The following NRG1 variants were observed in gnomAD, a reference collection of about 807,000 sequenced individuals.
NRG1 encodes the protein pro-neuregulin-1, membrane-bound isoform.
NRG1 carries 18 observed loss-of-function variants against 63.8 expected under a neutral mutation model. The ratio of observed to expected loss-of-function variants is 0.28; its 90% CI spans 0.19 to 0.42. The LOEUF is 0.42. NRG1 is among the 10% of genes least tolerant of loss of function. The probability of loss-of-function intolerance (pLI) is 1.00; values close to 1 mark genes in which losing one functional copy is unlikely to be tolerated. For missense variants in NRG1, 762 were observed against 814.7 expected (o/e 0.94, Z 0.79); for synonymous variants, 302 against 301.3 (o/e 1.00, Z -0.02).
At chr8:32,502,208 GT>G (rs1200722538) in intron 1 of NRG1, among the ~76,000 whole-genome samples, 1 of 151,884 alleles carries the variant, frequency 6.6e-6, no homozygotes, top group Admixed American at 6.6e-5. Flanking sequence ...TGGAGTAGGC[GT>G]CTTACATGGC....
intron 1 of NRG1, among the ~76,000 whole-genome samples, chr8:32,128,315 G>A (rs541438225): frequency 1.6e-4 from 24 of 151,974 alleles, no homozygotes; most frequent in Middle Eastern, 3.4e-3. Flanking sequence ...TCCCCCTGAT[G>A]GCAGTAAAAT....
chr8:32,139,532 T>C (rs1835973537), intron 1 of NRG1: 2 of 152,192 alleles, frequency 1.3e-5, no homozygotes, highest in Non-Finnish European at 2.9e-5. Context: ...CTGTTACATA[T>C]AGACAAATAA....
intron 1 of NRG1, among the ~76,000 whole-genome samples, chr8:31,847,000 A>G (rs1430983321): frequency 6.6e-6 from 1 of 152,150 alleles, no homozygotes; most frequent in Non-Finnish European, 1.5e-5. Context: ...AACTCATTAT[A>G]TTTTATTCTC....
intron 1 of NRG1, among the ~76,000 whole-genome samples, chr8:32,390,300 C>G (rs752654001): frequency 5.9e-5 from 9 of 152,074 alleles, no homozygotes; most frequent in Non-Finnish European, 1.0e-4. Context: ...AAGACTTTTC[C>G]TGTTCTAGAC....
At chr8:31,968,352 G>T (rs1002469724) in intron 1 of NRG1, among the ~76,000 whole-genome samples, 1 of 152,168 alleles carries the variant, frequency 6.6e-6, no homozygotes. Context: ...TAAAGGAAAA[G>T]CAGGGAGTGC....
At chr8:32,268,052 G>C (rs1338226290) in intron 1 of NRG1, among the ~76,000 whole-genome samples, 2 of 152,116 alleles carry the variant, frequency 1.3e-5, no homozygotes, top group Non-Finnish European at 2.9e-5. Flanking sequence ...TGCATGTCTT[G>C]CTAGAGTCTT....
chr8:32,283,382 G>T (rs887371405), intron 1 of NRG1, among the ~76,000 whole-genome samples: 7 of 152,102 alleles, frequency 4.6e-5, no homozygotes, highest in Non-Finnish European at 1.0e-4. Flanking sequence ...AAGAGGATTA[G>T]TCTATCACAC....
intron 1 of NRG1, chr8:31,639,559 C>T: frequency 1.4e-6 from 2 of 1,436,438 alleles, no homozygotes; most frequent in Non-Finnish European, 1.9e-6. Context: ...GCAGCCCCAG[C>T]AGCCGCCGCA....
At chr8:32,454,526 G>A (rs953345568) in intron 1 of NRG1, among the ~76,000 whole-genome samples, 23 of 147,878 alleles carry the variant, frequency 1.6e-4, no homozygotes, top group African/African-American at 4.5e-4. Context: ...AAAAAAAACC[G>A]ACATTGGCCT....
chr8:32,526,042 T>C (rs1830807882), intron 1 of NRG1, among the ~76,000 whole-genome samples: 1 of 152,206 alleles, frequency 6.6e-6, no homozygotes, highest in African/African-American at 2.4e-5. Flanking sequence ...TATAACAAAT[T>C]ACCATAAACT....
intron 1 of NRG1, among the ~76,000 whole-genome samples, chr8:31,648,426 C>T (rs910892177): frequency 2.0e-5 from 3 of 152,116 alleles, no homozygotes; most frequent in Non-Finnish European, 2.9e-5. Flanking sequence ...GCCACCGCGC[C>T]CGGCCCTACC....
chr8:31,991,394 T>TCTTCTTCTGCTG lies in NRG1; in HGVS notation c.37+351971_37+351972insGCTGCTTCTTCT, dbSNP rs371467960. Among the ~76,000 whole-genome samples, 1,157 of 151,970 alleles carry TCTTCTTCTGCTG rather than the reference T, an allele frequency of 7.6e-3. 17 individuals carry two copies. The highest frequency in any genetic ancestry group is 0.027 in the African/African-American group (1,113 of 41,446). ...CTCCTCCTCCTCTTCTTCTGCTGCT[T>TCTTCTTCTGCTG]CTTCTTCTTCTCCTTCTTCATCATC... is the stretch of plus-strand genomic sequence containing the variant. On this transcript the variant is annotated intron_variant, in intron 1 of 10. Transcript: ENST00000519301.
rs368867888 is a variant in NRG1 at position 31,656,124 on chromosome 8, T to C, written c.37+16693T>C. ...AGCTCCATGAAGTAGATAAGATTGC[T>C]TAGGGAAGGTGGGAGAGTGTAAGGA... is the stretch of plus-strand genomic sequence containing the variant. On this transcript the variant is annotated intron_variant, in intron 1 of 10. Coordinates refer to the NRG1 transcript ENST00000519301. 2.0e-5 allele frequency among the ~76,000 whole-genome samples: 3 copies of C among 152,052 alleles called. No individual in the cohort carries two copies. The East Asian group carries it at 5.8e-4, about 29-fold the overall frequency.
intron 1 of NRG1, among the ~76,000 whole-genome samples, chr8:32,290,059 A>G (rs946123911): frequency 6.6e-6 from 1 of 152,040 alleles, no homozygotes; most frequent in Non-Finnish European, 1.5e-5. Flanking sequence ...TGAGCAACAC[A>G]GGAGGACCCT....
chr8:32,721,517 TC>T (rs34519283), intron 5 of NRG1, among the ~76,000 whole-genome samples: 1,621 of 152,262 alleles, frequency 0.011, 96 homozygotes, highest in Admixed American at 0.09. Context: ...TCTCCTGGCT[TC>T]CCTTTTTGTT....
At chr8:32,215,990 G>A (rs1006941085) in intron 1 of NRG1, among the ~76,000 whole-genome samples, 1 of 151,300 alleles carries the variant, frequency 6.6e-6, no homozygotes, top group African/African-American at 2.4e-5. Context: ...GCAGTGAGCC[G>A]ATATCATGCC....
intron 1 of NRG1, among the ~76,000 whole-genome samples, chr8:32,413,929 T>G (rs1282746273): frequency 1.3e-5 from 2 of 151,404 alleles, no homozygotes; most frequent in East Asian, 1.9e-4. Flanking sequence ...CTTCTAGGTT[T>G]TTTTTTTTTT....
chr8:32,669,131 A>G (rs377196646), intron 5 of NRG1, among the ~76,000 whole-genome samples: 22 of 152,194 alleles, frequency 1.4e-4, no homozygotes, highest in African/African-American at 2.4e-5. Flanking sequence ...CTTATTTTAC[A>G]TTGTTCTGGA....
intron 1 of NRG1, among the ~76,000 whole-genome samples, chr8:31,748,077 C>A (rs1440621829): frequency 6.6e-6 from 1 of 151,848 alleles, no homozygotes; most frequent in African/African-American, 2.4e-5. Context: ...TAAAATATAA[C>A]CTTTCTTCTA....
Sources: allele counts gnomAD v4.1 joint callset (sites outside exome capture counted in the v4.1 genomes callset), GRCh38; gene constraint gnomAD v4.1.1; transcripts MANE v1.5; gene names NCBI Gene and HGNC (gene_info 2026-07-23, HGNC 2026-07-21).